Variants in VPS13B observed in about 807,000 individuals in gnomAD.
The protein encoded by VPS13B is intermembrane lipid transfer protein VPS13B.
Under a neutral mutation model 426.4 loss-of-function variants are expected in VPS13B, and 285 were observed. The observed-to-expected ratio is 0.67, with a 90% CI of 0.61 to 0.74. VPS13B has a LOEUF of 0.74. Ranked by LOEUF, VPS13B falls within the 30% of genes least tolerant of loss-of-function variation. The pLI is 0.00. For synonymous variants in VPS13B, 1,676 were observed against 1,676.4 expected, an observed-to-expected ratio of 1.00 and a Z score of 0.01; for missense variants, 4,537 against 4,782.6, an observed-to-expected ratio of 0.95 and a Z score of 1.51.
chr8:99,774,831 T>C (rs1811666050), intron 40 of VPS13B, among the ~76,000 whole-genome samples: 1 of 152,240 alleles, frequency 6.6e-6, no homozygotes, highest in Admixed American at 6.5e-5. Flanking sequence ...TGGATTACTG[T>C]GCCCATTATA....
intron 19 of VPS13B, among the ~76,000 whole-genome samples, chr8:99,345,103 A>ATAAT (rs1811466820): frequency 6.6e-6 from 1 of 152,082 alleles, no homozygotes; most frequent in African/African-American, 2.4e-5. Context: ...AATTTCTTGA[A>ATAAT]TAATTTATCT....
intron 43 of VPS13B, among the ~76,000 whole-genome samples, chr8:99,807,873 TAAAAA>T (rs35638213): frequency 8.5e-5 from 10 of 118,048 alleles, no homozygotes; most frequent in African/African-American, 3.1e-4. Context: ...TATTCAGATT[TAAAAA>T]AAAAAAAAAA....
intron 20 of VPS13B, among the ~76,000 whole-genome samples, chr8:99,386,167 C>G (rs1465260006): frequency 6.6e-6 from 1 of 152,114 alleles, no homozygotes. Flanking sequence ...ACAGTTATTT[C>G]CAGTGTACCA....
chr8:99,786,891 A>G (rs1229237902), intron 43 of VPS13B, among the ~76,000 whole-genome samples: 1 of 152,122 alleles, frequency 6.6e-6, no homozygotes, highest in Non-Finnish European at 1.5e-5. Flanking sequence ...TTACATTCAC[A>G]GTTGAAAATT....
chr8:99,259,508 C>T (rs1817932179), intron 17 of VPS13B, among the ~76,000 whole-genome samples: 1 of 151,998 alleles, frequency 6.6e-6, no homozygotes, highest in Admixed American at 6.6e-5. Flanking sequence ...TATTCCACTT[C>T]AGTAAGCTCA....
chr8:99,162,997 A>G (rs1811760069), intron 15 of VPS13B, among the ~76,000 whole-genome samples: 2 of 152,128 alleles, frequency 1.3e-5, no homozygotes, highest in Non-Finnish European at 2.9e-5. Flanking sequence ...AGTTAGATAC[A>G]GAGTTTGGAC....
chr8:99,195,951 A>G (rs1364487887), intron 17 of VPS13B, among the ~76,000 whole-genome samples: 2 of 152,068 alleles, frequency 1.3e-5, no homozygotes, highest in Non-Finnish European at 2.9e-5. Flanking sequence ...TGCTGTTTTG[A>G]TTGCTATAGC....
At chr8:99,833,693 A>G (rs1272083676) in intron 52 of VPS13B, among the ~76,000 whole-genome samples, 1 of 152,218 alleles carries the variant, frequency 6.6e-6, no homozygotes, top group African/African-American at 2.4e-5. Flanking sequence ...ACTTATAATA[A>G]ATAAAACATT....
chr8:99,140,656 C>T (rs1180784469), intron 12 of VPS13B, among the ~76,000 whole-genome samples: 1 of 137,782 alleles, frequency 7.3e-6, no homozygotes, highest in African/African-American at 2.8e-5. Context: ...TGCCTTCCTC[C>T]CCCTCCTCCC....
At chr8:99,639,985 G>GTAATAA (rs58877812) in intron 33 of VPS13B, among the ~76,000 whole-genome samples, 3 of 81,232 alleles carry the variant, frequency 3.7e-5, no homozygotes, top group Non-Finnish European at 6.7e-5. Context: ...TTTAAAAATA[G>GTAATAA]TAATAATAAT....
chr8:99,061,198 G>T (rs1844165601), intron 3 of VPS13B, among the ~76,000 whole-genome samples: 2 of 151,120 alleles, frequency 1.3e-5, no homozygotes, highest in African/African-American at 4.9e-5. Context: ...GCATGTTTTT[G>T]ATTTCTATTT....
rs186076253 is a variant in VPS13B, at chr8:99,269,478, T to C, written c.2516-4720T>C. Among the ~76,000 whole-genome samples the C allele has an allele frequency of 3.6e-4, 55 of 152,356 alleles. No individual in the cohort carries two copies. The East Asian group carries it at 0.01, about 29-fold the overall frequency. On this transcript the variant is annotated intron_variant, in intron 17 of 61. Transcript: ENST00000357162. ...TCCTACAAAAGCATTATACTCTCTT[T>C]CTAAATTAAGTTCTGTATAAAGTTT...
chr8:99,775,902 C>CAA (rs369730286), intron 40 of VPS13B, among the ~76,000 whole-genome samples: 1 of 144,978 alleles, frequency 6.9e-6, no homozygotes, highest in African/African-American at 2.5e-5. Context: ...GACTCCATCT[C>CAA]AAAAAAAAAA....
At chr8:99,519,598 T>C (rs983362486) in intron 29 of VPS13B, among the ~76,000 whole-genome samples, 1 of 152,130 alleles carries the variant, frequency 6.6e-6, no homozygotes, top group South Asian at 2.1e-4. Context: ...GTGACACATA[T>C]ATACCATGGA....
At chr8:99,565,268 T>C (rs1825125635) in intron 31 of VPS13B, among the ~76,000 whole-genome samples, 1 of 152,212 alleles carries the variant, frequency 6.6e-6, no homozygotes, top group Admixed American at 6.5e-5. Flanking sequence ...AGGTAATTTA[T>C]CTTTTAAACT....
chr8:99,843,223 C>T lies in VPS13B; in HGVS notation c.9943-5553C>T, dbSNP rs115560120. The stretch of plus-strand genomic sequence containing the variant: ...TCTAACACAGATTCAAATGGCAAAA[C>T]GGTGAGTCTCTTAGTATATGTCACC... On this transcript the variant is annotated intron_variant, in intron 54 of 61. Transcript: ENST00000357162. Among the ~76,000 whole-genome samples the T allele has an allele frequency of 4.9e-3, 745 of 152,250 alleles. 2 individuals carry two copies. The highest frequency in any genetic ancestry group is 0.013 in the African/African-American group (549 of 41,540).
At chr8:99,240,278 G>T (rs189109736) in intron 17 of VPS13B, among the ~76,000 whole-genome samples, 2 of 152,208 alleles carry the variant, frequency 1.3e-5, no homozygotes, top group Non-Finnish European at 2.9e-5. Context: ...ATTTAATTTG[G>T]TTCGCAGCTT....
chr8:99,384,845 A>G (rs1387310818), intron 20 of VPS13B, among the ~76,000 whole-genome samples: 2 of 152,068 alleles, frequency 1.3e-5, no homozygotes, highest in Admixed American at 1.3e-4. Flanking sequence ...ATGCCCAGCT[A>G]ATTTTTGTAT....
intron 21 of VPS13B, among the ~76,000 whole-genome samples, chr8:99,394,443 G>A (rs960315103): frequency 6.6e-6 from 1 of 152,096 alleles, no homozygotes; most frequent in African/African-American, 2.4e-5. Context: ...GTGCTTGATG[G>A]CTCGGAATGT....
Sources: gnomAD v4.1 joint callset for allele counts (sites outside exome capture counted in the v4.1 genomes callset) on GRCh38, gnomAD v4.1.1 for gene constraint, MANE v1.5 for transcripts, NCBI Gene and HGNC (gene_info 2026-07-23, HGNC 2026-07-21) for gene names.